Variants in DOCK2 observed in about 807,000 individuals in gnomAD.
DOCK2 encodes dedicator of cytokinesis protein 2.
In DOCK2, 87 loss-of-function variants were observed where a neutral mutation model predicts 248.9. The ratio of observed to expected loss-of-function variants is 0.35; its 90% CI spans 0.29 to 0.42. The LOEUF (loss-of-function observed/expected upper bound fraction) is 0.42, where lower values mean the gene tolerates loss of function less well. Ranked by LOEUF, DOCK2 falls within the 10% of genes least tolerant of loss-of-function variation. The pLI, the probability that DOCK2 is intolerant of heterozygous loss-of-function variation, is 1.00. For missense variants in DOCK2, 1,747 were observed against 2,300.2 expected (o/e 0.76, Z 4.92); for synonymous variants, 805 against 821.6 (o/e 0.98, Z 0.35).
At chr5:169,797,255 T>C (rs746207748) in intron 25 of DOCK2, among the ~76,000 whole-genome samples, 6 of 152,214 alleles carry the variant, frequency 3.9e-5, no homozygotes, top group Non-Finnish European at 8.8e-5. Context: ...TTAGAAGTGT[T>C]TTCTGCTGGA....
intron 6 of DOCK2, among the ~76,000 whole-genome samples, chr5:169,679,854 T>C (rs931343752): frequency 7.9e-5 from 12 of 152,230 alleles, no homozygotes; most frequent in Non-Finnish European, 1.2e-4. Flanking sequence ...GATTCTCTGA[T>C]AGAGATGAAG....
At chr5:169,846,849 C>T (rs1183306309) in intron 27 of DOCK2, among the ~76,000 whole-genome samples, 1 of 151,962 alleles carries the variant, frequency 6.6e-6, no homozygotes, top group Non-Finnish European at 1.5e-5. Context: ...CCTAGCCCCC[C>T]TTCCACCCTC....
intron 27 of DOCK2, among the ~76,000 whole-genome samples, chr5:169,963,603 C>T (rs966204248): frequency 2.0e-5 from 3 of 152,136 alleles, no homozygotes; most frequent in Admixed American, 6.5e-5. Flanking sequence ...CGTTCCCCTC[C>T]GGTGCACATC....
rs569340213 is a variant in DOCK2, at chr5:169,808,465, A to AT, written c.2703+5268dup. 1.7e-3 allele frequency among the ~76,000 whole-genome samples: 264 copies of AT among 151,366 alleles called. 8 individuals are homozygous for AT. The South Asian group carries it at 0.052, about 30-fold the overall frequency. ...GATGTCTGCCTTAGCCTGGCTGTTG[A>AT]TTTTTTTTTAATCATAGTGTTGAAT... is the stretch of plus-strand genomic sequence containing the variant. On this transcript the variant is annotated intron_variant, in intron 26 of 51. Transcript: ENST00000520908.
chr5:170,057,462 T>C (rs1356140921), intron 43 of DOCK2, 118 bp from the exon 44 acceptor site: 1 of 793,132 alleles, frequency 1.3e-6, no homozygotes, highest in Non-Finnish European at 2.2e-6. Context: ...TATTCTGCTT[T>C]CGGGTAGATG....
intron 44 of DOCK2, among the ~76,000 whole-genome samples, chr5:170,062,473 G>T (rs988130442): frequency 6.6e-6 from 1 of 152,066 alleles, no homozygotes; most frequent in African/African-American, 2.4e-5. Context: ...GCACACTCAG[G>T]CATGCACCCT....
At chr5:169,669,208 C>T in intron 2 of DOCK2, 80 bp from the exon 3 acceptor site, 1 of 1,578,830 alleles carries the variant, frequency 6.3e-7, no homozygotes, top group South Asian at 1.1e-5. Flanking sequence ...TAGTTTAAAA[C>T]AAAACAAAAC....
At chr5:169,850,645 T>C (rs1770573917) in intron 27 of DOCK2, among the ~76,000 whole-genome samples, 1 of 152,164 alleles carries the variant, frequency 6.6e-6, no homozygotes, top group Non-Finnish European at 1.5e-5. Context: ...TATGGTAATA[T>C]GGATGGTGTG....
intron 32 of DOCK2, among the ~76,000 whole-genome samples, chr5:170,015,806 TTCCC>T (rs1406155188): frequency 2.2e-5 from 3 of 134,378 alleles, no homozygotes; most frequent in Non-Finnish European, 4.8e-5. Flanking sequence ...CCTTTCTCCC[TTCCC>T]TCCCTCCCTC....
chr5:170,015,767 C>G (rs1561881912), intron 32 of DOCK2, among the ~76,000 whole-genome samples: 2 of 151,954 alleles, frequency 1.3e-5, no homozygotes, highest in Non-Finnish European at 2.9e-5. Context: ...AATTCTCAGC[C>G]AAGTTCACAA....
chr5:169,744,800 G>T (rs79168762), intron 22 of DOCK2, among the ~76,000 whole-genome samples: 1 of 152,158 alleles, frequency 6.6e-6, no homozygotes, highest in Non-Finnish European at 1.5e-5. Context: ...GGGCCATTCA[G>T]TTATGGAGGG....
intron 13 of DOCK2, among the ~76,000 whole-genome samples, chr5:169,701,781 G>C (rs1760984742): frequency 6.6e-6 from 1 of 152,190 alleles, no homozygotes; most frequent in Non-Finnish European, 1.5e-5. Context: ...GCCTCCCAAA[G>C]TGCTGGGATT....
intron 34 of DOCK2, among the ~76,000 whole-genome samples, chr5:170,029,936 A>G (rs6894283): frequency 0.41 from 62,272 of 152,062 alleles, 13,554 homozygotes; most frequent in East Asian, 0.58. Context: ...TCCTGTCACC[A>G]TGCATGGCCC....
intron 1 of DOCK2, among the ~76,000 whole-genome samples, chr5:169,645,567 G>C (rs906174245): frequency 2.6e-5 from 4 of 152,114 alleles, no homozygotes; most frequent in African/African-American, 9.7e-5. Flanking sequence ...CATTCTGTAG[G>C]TTGCCTGTTC....
chr5:169,728,746 A>G (rs559010301), intron 22 of DOCK2, among the ~76,000 whole-genome samples: 19 of 152,182 alleles, frequency 1.2e-4, no homozygotes, highest in Middle Eastern at 3.4e-3. Flanking sequence ...CTACATTTGG[A>G]TTGCCTTTTT....
chr5:169,780,128 G>C (rs1765618250), intron 25 of DOCK2, among the ~76,000 whole-genome samples: 1 of 152,124 alleles, frequency 6.6e-6, no homozygotes, highest in African/African-American at 2.4e-5. Context: ...TAGCAACCCT[G>C]GCATTGCTGT....
At chr5:169,702,672 T>C in intron 14 of DOCK2, 1 of 158,866 alleles carries the variant, frequency 6.3e-6, no homozygotes, top group Non-Finnish European at 1.1e-5. Context: ...AACTTCTTCT[T>C]GTATGTATGT....
rs1327335199 is a variant in DOCK2, at chr5:169,963,358, C to G, written c.2800-19710C>G. 3.3e-5 allele frequency among the ~76,000 whole-genome samples: 5 copies of G among 152,262 alleles called. No homozygotes were observed. The East Asian group carries it at 5.8e-4, about 18-fold the overall frequency. ...GGCATTGACAGGAACTCAATCTCAG[C>G]CTTTGATTAGGCCTCCATCCCTCTC... On this transcript the variant is annotated intron_variant, in intron 27 of 51. Transcript: ENST00000520908.
At chr5:169,974,334 G>A (rs557849566) in intron 27 of DOCK2, among the ~76,000 whole-genome samples, 19 of 152,270 alleles carry the variant, frequency 1.2e-4, no homozygotes, top group African/African-American at 3.4e-4. Flanking sequence ...TTTTAACAGC[G>A]TCTAACACAT....
Sources: gnomAD v4.1 joint callset for allele counts (sites outside exome capture counted in the v4.1 genomes callset) on GRCh38, gnomAD v4.1.1 for gene constraint, MANE v1.5 for transcripts, NCBI Gene and HGNC (gene_info 2026-07-23, HGNC 2026-07-21) for gene names.